Variants in TMEM97 observed in about 807,000 individuals in gnomAD.
TMEM97 encodes transmembrane protein 97, also known as sigma intracellular receptor 2.
Under a neutral mutation model 18.3 loss-of-function variants are expected in TMEM97, and 13 were observed. The ratio of observed to expected loss-of-function variants is 0.71; its 90% CI spans 0.46 to 1.13. The LOEUF is 1.13. TMEM97 is among the 50% of genes most tolerant of loss of function. The probability of loss-of-function intolerance (pLI) is 0.00; values close to 1 mark genes in which losing one functional copy is unlikely to be tolerated. For missense variants in TMEM97, 205 were observed against 210.5 expected (o/e 0.97, Z 0.16); for synonymous variants, 76 against 85.3 (o/e 0.89, Z 0.60).
At position 28,326,649 on chromosome 17, in the gene TMEM97, C is replaced by T. The variant is rs1555575505; in HGVS notation, c.387C>T (p.Phe129=). The change falls in exon 3 of 3, where the codon TTC becomes TTT. Residue 129 remains phenylalanine (F), a synonymous_variant. Coordinates refer to ENST00000226230, the MANE Select transcript of TMEM97 (RefSeq NM_014573.3). ...LFEDFSKASG[F]KGQRPETLHE... ...AGGATTTCTCCAAAGCCAGTGGTTT[C>T]AAGGGACAAAGACCTGAGACTTTGC... The T allele has an allele frequency of 6.2e-7, 1 of 1,614,202 alleles. No homozygotes were observed. Among genetic ancestry groups the T allele is most frequent in the Non-Finnish European group, 8.5e-7 (1 of 1,180,038 alleles).
intron 1 of TMEM97, among the ~76,000 whole-genome samples, chr17:28,322,293 G>A (rs1408421302): frequency 5.3e-5 from 8 of 150,002 alleles, no homozygotes; most frequent in Non-Finnish European, 8.9e-5. Flanking sequence ...CGCCCAGGCT[G>A]TAGTGCAGTG....
At position 28,319,230 on chromosome 17, in the gene TMEM97, C is replaced by T; in HGVS notation, c.-10C>T. On this transcript the variant is annotated 5_prime_UTR_variant, in exon 1 of 3. Coordinates refer to ENST00000226230, the MANE Select transcript of TMEM97 (RefSeq NM_014573.3). ...CTCACATCAGCGGGTCCAGGCCCAA[C>T]CGACAGACTATGGGGGCTCCGGCAA... 6.2e-7 allele frequency: 1 copy of T among 1,600,612 alleles called. No individual in the cohort carries two copies.
chr17:28,326,512 TC>T (rs1400229225), intron 2 of TMEM97, 21 bp from the exon 3 acceptor site: 6 of 1,608,000 alleles, frequency 3.7e-6, no homozygotes, highest in Non-Finnish European at 4.3e-6. Context: ...TAACCATTTT[TC>T]TTTTCCCCTG....
rs371554263 is a variant in TMEM97 at position 28,319,262 on chromosome 17, G to A, written c.23G>A (p.Arg8His). ...ACTATGGGGGCTCCGGCAACCAGGCGCTGCGTGGAGTGGCTGCTGGGCCTC... is the reference window on the plus strand; with the variant it reads ...ACTATGGGGGCTCCGGCAACCAGGCACTGCGTGGAGTGGCTGCTGGGCCTC... MGAPATR[R>H]CVEWLLGLYF... Residue 8 changes from arginine (R) to histidine (H), a missense_variant, in exon 1 of 3, where the codon CGC becomes CAC. Coordinates refer to ENST00000226230, the MANE Select transcript of TMEM97 (RefSeq NM_014573.3). The A allele has an allele frequency of 6.2e-7, 1 of 1,609,786 alleles. No individual in the cohort carries two copies. Among genetic ancestry groups the A allele is most frequent in the Admixed American group, 1.7e-5 (1 of 59,668 alleles).
chr17:28,326,111 A>G (rs1454135995), intron 2 of TMEM97, among the ~76,000 whole-genome samples: 2 of 152,216 alleles, frequency 1.3e-5, no homozygotes, highest in Non-Finnish European at 2.9e-5. Flanking sequence ...ATACACGTGT[A>G]CTTGATAAGC....
chr17:28,326,963 CAT>C lies in TMEM97; in HGVS notation c.*171_*172del. Reference sequence around the variant, plus strand: ...ACCATGTCAAACCCTCACCTTCTTCCATTTTTTTTTTTTTTTTAAGACAGTCT... The same window carrying C: ...ACCATGTCAAACCCTCACCTTCTTCCTTTTTTTTTTTTTTTAAGACAGTCT... On this transcript the variant is annotated 3_prime_UTR_variant, in exon 3 of 3. Transcript: ENST00000226230. 1.2e-6 allele frequency: 1 copy of C among 805,106 alleles called. No homozygotes were observed. Among genetic ancestry groups the C allele is most frequent in the Non-Finnish European group, 1.9e-6 (1 of 530,510 alleles). 49.9% of individuals were successfully genotyped at this position (805,106 alleles called of 1,614,324 possible).
chr17:28,325,386 G>C lies in TMEM97; in HGVS notation c.127-117G>C. 3.0e-6 allele frequency: 4 copies of C among 1,337,018 alleles called. No individual in the cohort carries two copies. In the East Asian group the frequency reaches 7.1e-5, roughly 24 times the overall value. The allele number at this position is 1,337,018 out of a possible 1,614,324, so 82.8% of individuals were successfully genotyped here. A position where few individuals can be genotyped will look rare whatever the true frequency, so the allele number is the denominator to read the frequency against. ...CAGCTGGACATGCCATCTGCTGCCG[G>C]GGTAGTGGGGGGTGGCTAATTAATG... On this transcript the variant is annotated intron_variant, in intron 1 of 2. Transcript: ENST00000226230.
At chr17:28,320,021 T>C (rs1906082084) in intron 1 of TMEM97, among the ~76,000 whole-genome samples, 1 of 152,232 alleles carries the variant, frequency 6.6e-6, no homozygotes, top group Non-Finnish European at 1.5e-5. Flanking sequence ...CCCCAAACTC[T>C]GCTTTAATGC....
chr17:28,319,501 C>A, intron 1 of TMEM97, 136 bp downstream of exon 1: 1 of 1,095,526 alleles, frequency 9.1e-7, no homozygotes, highest in Non-Finnish European at 1.2e-6. Flanking sequence ...TCCCCCGCTC[C>A]TAACCCAACT....
chr17:28,325,507 G>C lies in TMEM97; in HGVS notation c.131G>C (p.Arg44Thr), dbSNP rs1555575351. 1.9e-6 allele frequency: 3 copies of C among 1,613,134 alleles called. No homozygotes were observed. The highest frequency in any genetic ancestry group is 4.5e-5 in the East Asian group (2 of 44,862). Reference sequence around the variant, plus strand: ...CATGATCGTTTTCTTTTTCAGTTTAGAAACCTGCTGAAGTGGTATGCTAAG... The same window carrying C: ...CATGATCGTTTTCTTTTTCAGTTTACAAACCTGCTGAAGTGGTATGCTAAG... ...LPRELYPVEF[R>T]NLLKWYAKEF... Residue 44 changes from arginine (R) to threonine (T), a missense_variant, in exon 2 of 3, where the codon AGA (arginine) becomes ACA (threonine). Physicochemically the swap from Arg to Thr is moderately conservative, Grantham distance 71 (BLOSUM62 -1). Coordinates refer to ENST00000226230, the MANE Select transcript of TMEM97 (RefSeq NM_014573.3).
At position 28,326,964 on chromosome 17, in the gene TMEM97, A is replaced by AT. The variant is rs782224492; in HGVS notation, c.*187dup. The AT allele has an allele frequency of 0.11, 67,986 of 608,642 alleles. 1 individual carries two copies. The highest frequency in any genetic ancestry group is 0.13 in the South Asian group (5,679 of 43,200). The allele number at this position is 608,642 out of a possible 1,614,324, so 37.7% of individuals were successfully genotyped here. ...CCATGTCAAACCCTCACCTTCTTCC[A>AT]TTTTTTTTTTTTTTTTAAGACAGTC... On this transcript the variant is annotated 3_prime_UTR_variant, in exon 3 of 3. Transcript: ENST00000226230.
chr17:28,323,021 T>C (rs1325379335), intron 1 of TMEM97, among the ~76,000 whole-genome samples: 1 of 152,244 alleles, frequency 6.6e-6, no homozygotes, highest in Non-Finnish European at 1.5e-5. Context: ...GTCACTCTCT[T>C]ACCAATAGTG....
rs1460998938 is a variant in TMEM97 at position 28,327,009 on chromosome 17, G to A, written c.*216G>A. 2 of 552,256 alleles carry A rather than the reference G, an allele frequency of 3.6e-6. No homozygotes were observed. The highest frequency in any genetic ancestry group is 6.3e-6 in the Non-Finnish European group (2 of 318,832). 34.2% of individuals were successfully genotyped at this position (552,256 alleles called of 1,614,324 possible). A position where few individuals can be genotyped will look rare whatever the true frequency, so the allele number is the denominator to read the frequency against. The stretch of plus-strand genomic sequence containing the variant: ...ACAGTCTCACTCTGTTGCCCAGGCT[G>A]GAGTAAAGGGCAGTGGCATGATCTC... On this transcript the variant is annotated 3_prime_UTR_variant, in exon 3 of 3. Coordinates refer to ENST00000226230, the MANE Select transcript of TMEM97 (RefSeq NM_014573.3).
rs1555575753 is a variant in TMEM97 at position 28,327,771 on chromosome 17, A to T, written c.*978A>T. ...TTTTTGTTTCTGTTGTAAACAGATC[A>T]TCCTAGGCGAAAGTTTTTTTTGTTT... On this transcript the variant is annotated 3_prime_UTR_variant, in exon 3 of 3. Coordinates refer to ENST00000226230, the MANE Select transcript of TMEM97 (RefSeq NM_014573.3). 6.6e-6 allele frequency: 1 copy of T among 152,252 alleles called. No homozygotes were observed. The highest frequency in any genetic ancestry group is 1.5e-5 in the Non-Finnish European group (1 of 68,046). The allele number at this position is 152,252 out of a possible 1,614,324, so 9.4% of individuals were successfully genotyped here. A position where few individuals can be genotyped will look rare whatever the true frequency, so the allele number is the denominator to read the frequency against.
intron 1 of TMEM97, 113 bp downstream of exon 1, chr17:28,319,478 T>C: frequency 7.6e-7 from 1 of 1,309,708 alleles, no homozygotes; most frequent in Non-Finnish European, 1.0e-6. Flanking sequence ...CTCTCTCGGG[T>C]CCTGCCCATG....
chr17:28,323,126 C>A (rs1338154139), intron 1 of TMEM97, among the ~76,000 whole-genome samples: 2 of 152,142 alleles, frequency 1.3e-5, no homozygotes, highest in African/African-American at 4.8e-5. Context: ...TACCCCAGGT[C>A]CTACACGCCT....
At chr17:28,324,987 AAATTC>A (rs540583820) in intron 1 of TMEM97, among the ~76,000 whole-genome samples, 136 of 139,050 alleles carry the variant, frequency 9.8e-4, no homozygotes, top group African/African-American at 3.5e-3. Context: ...AAGAAGAGGG[AAATTC>A]AATTCATTTC....
chr17:28,321,920 T>A (rs1363789465), intron 1 of TMEM97, among the ~76,000 whole-genome samples: 2 of 151,818 alleles, frequency 1.3e-5, no homozygotes, highest in African/African-American at 4.8e-5. Context: ...TTGAAGGCAT[T>A]AGCTCGGTGG....
At chr17:28,324,398 T>A (rs1906257871) in intron 1 of TMEM97, among the ~76,000 whole-genome samples, 1 of 152,238 alleles carries the variant, frequency 6.6e-6, no homozygotes, top group Non-Finnish European at 1.5e-5. Flanking sequence ...GGGGCTTCTA[T>A]TTCACAATAG....
Sources: gnomAD v4.1 joint callset for allele counts (sites outside exome capture counted in the v4.1 genomes callset) on GRCh38, gnomAD v4.1.1 for gene constraint, MANE v1.5 for transcripts, NCBI Gene and HGNC (gene_info 2026-07-23, HGNC 2026-07-21) for gene names.